Variants in FNDC3B observed in about 807,000 individuals in gnomAD.
FNDC3B encodes fibronectin type III domain containing 3B.
In FNDC3B, 12 loss-of-function variants were observed where a neutral mutation model predicts 151.5. That is an observed-to-expected ratio of 0.08 (90% CI 0.05 to 0.13). The LOEUF is 0.13. FNDC3B is among the 10% of genes least tolerant of loss of function. FNDC3B has a pLI of 1.00. For synonymous variants in FNDC3B, 528 were observed against 549.0 expected (o/e 0.96, Z 0.54); for missense variants, 1,214 against 1,505.3 (o/e 0.81, Z 3.20).
At chr3:172,238,135 C>G (rs1727265771) in intron 4 of FNDC3B, among the ~76,000 whole-genome samples, 1 of 152,146 alleles carries the variant, frequency 6.6e-6, no homozygotes, top group African/African-American at 2.4e-5. Context: ...AAAAGGAAGT[C>G]TGGAGATTAG....
intron 6 of FNDC3B, among the ~76,000 whole-genome samples, chr3:172,265,742 TTTA>T (rs1182477253): frequency 6.6e-6 from 1 of 152,242 alleles, no homozygotes; most frequent in Non-Finnish European, 1.5e-5. Context: ...ATTTTTCAGT[TTTA>T]TTCAATTTCA....
chr3:172,098,444 C>T (rs1207966369), intron 1 of FNDC3B, among the ~76,000 whole-genome samples: 3 of 152,070 alleles, frequency 2.0e-5, no homozygotes, highest in African/African-American at 7.2e-5. Context: ...TTTGGCTTTG[C>T]AGTTAAACAC....
chr3:172,255,743 C>T (rs113406807), intron 6 of FNDC3B, among the ~76,000 whole-genome samples: 3,228 of 152,280 alleles, frequency 0.021, 118 homozygotes, highest in African/African-American at 0.074. Flanking sequence ...TGGGTAGAAA[C>T]GTACAGATAC....
At chr3:172,145,341 C>G (rs1721848697) in intron 3 of FNDC3B, among the ~76,000 whole-genome samples, 1 of 152,124 alleles carries the variant, frequency 6.6e-6, no homozygotes, top group Non-Finnish European at 1.5e-5. Context: ...AAATATAAGT[C>G]CTTTTCTTGC....
intron 13 of FNDC3B, among the ~76,000 whole-genome samples, chr3:172,330,934 C>A (rs1732619476): frequency 1.3e-5 from 2 of 152,154 alleles, no homozygotes; most frequent in South Asian, 4.1e-4. Flanking sequence ...TTGGAGTCAT[C>A]CTTGATCCTA....
intron 11 of FNDC3B, among the ~76,000 whole-genome samples, chr3:172,328,727 A>G (rs552091178): frequency 6.6e-6 from 1 of 152,272 alleles, no homozygotes; most frequent in East Asian, 1.9e-4. Context: ...ACCTGTCTCA[A>G]TTACAGAATT....
intron 1 of FNDC3B, among the ~76,000 whole-genome samples, chr3:172,097,264 G>A (rs1331851626): frequency 6.6e-6 from 1 of 152,144 alleles, no homozygotes. Context: ...TAGTGAGCAT[G>A]CCTAATCTAA....
intron 1 of FNDC3B, among the ~76,000 whole-genome samples, chr3:172,047,550 C>G (rs933372149): frequency 6.6e-6 from 1 of 152,132 alleles, no homozygotes; most frequent in Non-Finnish European, 1.5e-5. Flanking sequence ...ATGCAGAATG[C>G]ATTCACTGAT....
At chr3:172,267,106 A>G (rs1358588278) in intron 6 of FNDC3B, among the ~76,000 whole-genome samples, 1 of 152,132 alleles carries the variant, frequency 6.6e-6, no homozygotes, top group African/African-American at 2.4e-5. Flanking sequence ...CATTTAGCAG[A>G]GCTACCTCCT....
At chr3:172,375,047 T>C (rs1443742652) in intron 23 of FNDC3B, among the ~76,000 whole-genome samples, 1 of 152,212 alleles carries the variant, frequency 6.6e-6, no homozygotes, top group Admixed American at 6.5e-5. Flanking sequence ...TTTCATGTCA[T>C]GGTTTCATTC....
chr3:172,116,345 C>T (rs1458438916), intron 2 of FNDC3B, among the ~76,000 whole-genome samples: 2 of 152,160 alleles, frequency 1.3e-5, no homozygotes, highest in African/African-American at 4.8e-5. Context: ...CAGAATTGTA[C>T]AACCTTAACT....
intron 23 of FNDC3B, among the ~76,000 whole-genome samples, chr3:172,368,182 A>T (rs1734719839): frequency 6.6e-6 from 1 of 151,566 alleles, no homozygotes; most frequent in South Asian, 2.1e-4. Flanking sequence ...AAGTGGGAGG[A>T]TCCCTTGAAC....
chr3:172,310,712 T>G, intron 10 of FNDC3B, 116 bp from the exon 11 acceptor site: 1 of 785,586 alleles, frequency 1.3e-6, no homozygotes, highest in South Asian at 1.5e-5. Context: ...ATCAGCTTTA[T>G]CCCCCTGAGG....
intron 25 of FNDC3B, among the ~76,000 whole-genome samples, chr3:172,387,929 G>A (rs1334790567): frequency 3.3e-5 from 5 of 152,232 alleles, no homozygotes; most frequent in African/African-American, 1.2e-4. Flanking sequence ...AGGCCTGCAG[G>A]TTAGCACATT....
chr3:172,216,966 T>C (rs922980538), intron 3 of FNDC3B, among the ~76,000 whole-genome samples: 1 of 152,218 alleles, frequency 6.6e-6, no homozygotes, highest in Non-Finnish European at 1.5e-5. Flanking sequence ...TTGAGTTGTC[T>C]GGGCTATATG....
intron 25 of FNDC3B, among the ~76,000 whole-genome samples, chr3:172,389,857 C>T (rs1560112622): frequency 6.6e-6 from 1 of 151,994 alleles, no homozygotes. Flanking sequence ...GAGCGAGACT[C>T]GGTCTCAAAA....
chr3:172,047,945 C>A (rs1311524945), intron 1 of FNDC3B, among the ~76,000 whole-genome samples: 1 of 152,026 alleles, frequency 6.6e-6, no homozygotes, highest in African/African-American at 2.4e-5. Context: ...TTTCTTCTGC[C>A]TTTGTGTTTG....
chr3:172,199,361 A>G (rs888202717), intron 3 of FNDC3B, among the ~76,000 whole-genome samples: 2 of 149,246 alleles, frequency 1.3e-5, no homozygotes, highest in Non-Finnish European at 3.0e-5. Flanking sequence ...TTGTATTTTT[A>G]GTAGAGACGG....
chr3:172,219,421 A>G (rs758723251), intron 3 of FNDC3B, among the ~76,000 whole-genome samples: 9 of 152,296 alleles, frequency 5.9e-5, no homozygotes, highest in Non-Finnish European at 1.0e-4. Flanking sequence ...CAGTTTTACT[A>G]CCTTATCTTT....
Sources: allele counts gnomAD v4.1 joint callset (sites outside exome capture counted in the v4.1 genomes callset), GRCh38; gene constraint gnomAD v4.1.1; transcripts MANE v1.5; gene names NCBI Gene and HGNC (gene_info 2026-07-23, HGNC 2026-07-21).